The following RASA1 variants were observed in gnomAD, a reference collection of about 807,000 sequenced individuals.
RASA1 encodes the protein ras GTPase-activating protein 1.
Under a neutral mutation model 132.2 loss-of-function variants are expected in RASA1, and 25 were observed. The observed-to-expected ratio is 0.19, with a 90% CI of 0.14 to 0.26. RASA1 has a LOEUF of 0.26. Ranked by LOEUF, RASA1 falls within the 10% of genes least tolerant of loss-of-function variation. The pLI, the probability that RASA1 is intolerant of heterozygous loss-of-function variation, is 1.00. For synonymous variants in RASA1, 477 were observed against 449.9 expected, an observed-to-expected ratio of 1.06 and a Z score of -0.76; for missense variants, 964 against 1,299.2, an observed-to-expected ratio of 0.74 and a Z score of 3.97.
intron 8 of RASA1, among the ~76,000 whole-genome samples, chr5:87,351,021 A>G (rs1759226565): frequency 6.6e-6 from 1 of 151,682 alleles, no homozygotes; most frequent in Non-Finnish European, 1.5e-5. Flanking sequence ...CTAAATGTAT[A>G]AAGAAAGATT....
At chr5:87,353,387 CTT>C (rs1396847326) in intron 9 of RASA1, 152 bp downstream of exon 9, 12 of 724,466 alleles carry the variant, frequency 1.7e-5, no homozygotes, top group Non-Finnish European at 2.8e-5. Flanking sequence ...CTGTAAGAAT[CTT>C]TTAGTTTTTA....
intron 1 of RASA1, among the ~76,000 whole-genome samples, chr5:87,320,688 A>G (rs1010766256): frequency 1.3e-5 from 2 of 152,258 alleles, no homozygotes; most frequent in Admixed American, 1.3e-4. Context: ...CACTGGGAGT[A>G]ACAGTTCAAC....
intron 1 of RASA1, among the ~76,000 whole-genome samples, chr5:87,287,483 ACACCATATATATACACCATATATATACC>A (rs1428003403): frequency 2.9e-5 from 4 of 137,838 alleles, no homozygotes; most frequent in African/African-American, 1.2e-4. Context: ...ATATATATAC[ACACCATATATATACACCATATATATACC>A]CACCATATAT....
intron 6 of RASA1, among the ~76,000 whole-genome samples, chr5:87,341,723 C>T (rs1561294974): frequency 1.3e-5 from 2 of 151,000 alleles, no homozygotes; most frequent in Non-Finnish European, 3.0e-5. Flanking sequence ...TCAGCAAGGT[C>T]TTTTTTTTTC....
At position 87,390,875 on chromosome 5, in the gene RASA1, G is replaced by C; in HGVS notation, c.3136G>C (p.Val1046Leu). The C allele has an allele frequency of 6.2e-7, 1 of 1,610,814 alleles. No homozygotes were observed. The part of the protein sequence containing the change: ...KQNQYTKTND[V>L]R ...AAACCAGTATACAAAAACCAATGAT[G>C]TCAGGTAGCAGCCTTCGCCCCAGTG... The change falls in exon 25 of 25, where the codon GTC (valine) becomes CTC (leucine). Residue 1046 changes from valine to leucine, a missense_variant. This residue lies in a region of RASA1 where 107 missense variants were observed against 163.8 expected (regional missense o/e 0.65). Transcript: ENST00000274376.
intron 1 of RASA1, among the ~76,000 whole-genome samples, chr5:87,276,524 AAAAG>A (rs1290306120): frequency 6.6e-6 from 1 of 152,180 alleles, no homozygotes; most frequent in Non-Finnish European, 1.5e-5. Context: ...ATGGGGGACA[AAAAG>A]AAATATACAA....
At chr5:87,294,773 C>T (rs1229245686) in intron 1 of RASA1, among the ~76,000 whole-genome samples, 1 of 152,112 alleles carries the variant, frequency 6.6e-6, no homozygotes, top group African/African-American at 2.4e-5. Flanking sequence ...AGAATGTGGT[C>T]TATGTTGGTA....
At chr5:87,331,718 C>G (rs1358238803) in intron 2 of RASA1, among the ~76,000 whole-genome samples, 1 of 151,916 alleles carries the variant, frequency 6.6e-6, no homozygotes. Context: ...CTGTGCTGAT[C>G]CTCAAATATA....
At chr5:87,376,751 T>A in intron 16 of RASA1, 130 bp from the exon 17 acceptor site, 1 of 1,208,158 alleles carries the variant, frequency 8.3e-7, no homozygotes. Flanking sequence ...CATTCTATTT[T>A]AAATAAATTT....
chr5:87,306,616 G>GA (rs1002375358), intron 1 of RASA1, among the ~76,000 whole-genome samples: 20 of 148,420 alleles, frequency 1.3e-4, no homozygotes, highest in African/African-American at 4.0e-4. Flanking sequence ...CTTAAAAGTT[G>GA]AAAAAAAAAA....
intron 1 of RASA1, among the ~76,000 whole-genome samples, chr5:87,310,431 CTT>C (rs1220834923): frequency 6.6e-6 from 1 of 152,038 alleles, no homozygotes; most frequent in Non-Finnish European, 1.5e-5. Flanking sequence ...TTAGAAATAA[CTT>C]ATTTCCTGAG....
At chr5:87,341,413 G>A in intron 6 of RASA1, 92 bp downstream of exon 6, 1 of 799,878 alleles carries the variant, frequency 1.3e-6, no homozygotes, top group Non-Finnish European at 1.7e-6. Context: ...TGTTTTTTAA[G>A]GTTTTGGACT....
chr5:87,337,911 G>C, intron 4 of RASA1, 63 bp from the exon 5 acceptor site: 1 of 1,480,872 alleles, frequency 6.8e-7, no homozygotes, highest in East Asian at 2.5e-5. Flanking sequence ...TGTGGTATAT[G>C]ACTATTCTAA....
intron 1 of RASA1, among the ~76,000 whole-genome samples, chr5:87,316,000 TA>T (rs1223627546): frequency 2.6e-5 from 4 of 152,172 alleles, no homozygotes; most frequent in African/African-American, 4.8e-5. Context: ...TCCTTAAAAT[TA>T]AAAAAATTAT....
chr5:87,376,493 G>T lies in RASA1; in HGVS notation c.2112G>T (p.Gly704=), dbSNP rs374292148. Residue 704 remains glycine (G), a synonymous_variant, in exon 16 of 25, where the codon GGG becomes GGT. Coordinates refer to ENST00000274376, the MANE Select transcript of RASA1 (RefSeq NM_002890.3). Reference sequence around the variant, plus strand: ...TACCATTAAAAGGTATTGAACCAGGGTCCCTGCGTGTTCGAGCACGATACT... The same window carrying T: ...TACCATTAAAAGGTATTGAACCAGGTTCCCTGCGTGTTCGAGCACGATACT... ...SHIPLKGIEP[G]SLRVRARYSM... The T allele has an allele frequency of 1.9e-6, 3 of 1,614,000 alleles. No homozygotes were observed. Among genetic ancestry groups the T allele is most frequent in the Non-Finnish European group, 2.5e-6 (3 of 1,179,982 alleles).
chr5:87,285,052 T>TTATC (rs1754486394), intron 1 of RASA1, among the ~76,000 whole-genome samples: 1 of 148,660 alleles, frequency 6.7e-6, no homozygotes, highest in African/African-American at 2.5e-5. Flanking sequence ...ATTTATTTAT[T>TTATC]TATTTATTTA....
At chr5:87,384,807 T>C (rs1761954811) in intron 21 of RASA1, among the ~76,000 whole-genome samples, 1 of 152,132 alleles carries the variant, frequency 6.6e-6, no homozygotes, top group Non-Finnish European at 1.5e-5. Context: ...AAATTTCATG[T>C]TTTTCTCCTC....
intron 14 of RASA1, 129 bp from the exon 15 acceptor site, chr5:87,374,711 T>C (rs1331671010): frequency 7.4e-7 from 1 of 1,343,350 alleles, no homozygotes; most frequent in East Asian, 2.5e-5. Flanking sequence ...GTGAATCTGG[T>C]TTTAGGTCTA....
chr5:87,381,820 G>C (rs570547128), intron 20 of RASA1, among the ~76,000 whole-genome samples: 1 of 152,288 alleles, frequency 6.6e-6, no homozygotes, highest in African/African-American at 2.4e-5. Context: ...ACTGTTTCGT[G>C]CAAGAGGGTG....
Sources: allele counts gnomAD v4.1 joint callset (sites outside exome capture counted in the v4.1 genomes callset), GRCh38; gene constraint gnomAD v4.1.1; regional missense constraint gnomAD v4.1.1; transcripts MANE v1.5; gene names NCBI Gene and HGNC (gene_info 2026-07-23, HGNC 2026-07-21).